The following TMEM222 variants were observed in gnomAD, a reference collection of about 807,000 sequenced individuals.
The protein encoded by TMEM222 is chromosome 1 open reading frame 160.
A neutral mutation model predicts 25.1 loss-of-function variants in TMEM222; 18 were observed. The ratio of observed to expected loss-of-function variants is 0.72; its 90% CI spans 0.50 to 1.06. The LOEUF is 1.06. Among genes scored for constraint, TMEM222 ranks in the 50% least tolerant of loss-of-function variants. The probability of loss-of-function intolerance (pLI) is 0.00; values close to 1 mark genes in which losing one functional copy is unlikely to be tolerated. For synonymous variants in TMEM222, 131 were observed against 117.9 expected (o/e 1.11, Z -0.72); for missense variants, 296 against 293.7 (o/e 1.01, Z -0.06).
At chr1:27,333,623 G>C in intron 3 of TMEM222, 1 of 405,540 alleles carries the variant, frequency 2.5e-6, no homozygotes, top group Non-Finnish European at 4.8e-6. Flanking sequence ...ATTCATGAGA[G>C]CTAATCACCC....
intron 5 of TMEM222, 88 bp from the exon 6 acceptor site, chr1:27,335,291 A>G (rs2014577909): frequency 7.5e-7 from 1 of 1,334,234 alleles, no homozygotes; most frequent in African/African-American, 1.4e-5. Flanking sequence ...TGGCAGCCCT[A>G]TTGGGGTCTG....
chr1:27,335,547 C>G lies in TMEM222; in HGVS notation c.*81C>G. 6.9e-7 allele frequency: 1 copy of G among 1,443,118 alleles called. No individual in the cohort carries two copies. 89.4% of individuals were successfully genotyped at this position (1,443,118 alleles called of 1,614,324 possible). A position where few individuals can be genotyped will look rare whatever the true frequency, so the allele number is the denominator to read the frequency against. ...TTTTGGTTCCAGATTTTTTTCTCCT[C>G]ACCCCAAAAGGCAGGGTTGGGCCTG... On this transcript the variant is annotated 3_prime_UTR_variant, in exon 6 of 6. Coordinates refer to ENST00000374076, the MANE Select transcript of TMEM222 (RefSeq NM_032125.3).
In TMEM222 at chr1:27,322,408, A is replaced by G. The variant is rs2148010309; in HGVS notation, c.194+17A>G. Reference sequence around the variant, plus strand: ...GGTGCTCACGTGAGTCTCTTCCGGCATCCGCCTGGGGACGAGGAGGGCCCA... The same window carrying G: ...GGTGCTCACGTGAGTCTCTTCCGGCGTCCGCCTGGGGACGAGGAGGGCCCA... On this transcript the variant is annotated intron_variant, in intron 1 of 5. Coordinates refer to ENST00000374076, the MANE Select transcript of TMEM222 (RefSeq NM_032125.3). The G allele has an allele frequency of 2.2e-6, 3 of 1,375,960 alleles. No individual in the cohort carries two copies. Among genetic ancestry groups the G allele is most frequent in the Non-Finnish European group, 2.9e-6 (3 of 1,050,992 alleles). 85.2% of individuals were successfully genotyped at this position (1,375,960 alleles called of 1,614,324 possible). A position where few individuals can be genotyped will look rare whatever the true frequency, so the allele number is the denominator to read the frequency against.
At position 27,322,340 on chromosome 1, in the gene TMEM222, A is replaced by G; in HGVS notation, c.143A>G (p.Glu48Gly). 1 of 1,537,026 alleles carries G rather than the reference A, an allele frequency of 6.5e-7. No individual in the cohort carries two copies. The highest frequency in any genetic ancestry group is 8.8e-7 in the Non-Finnish European group (1 of 1,137,754). Residue 48 changes from glutamate to glycine, a missense_variant, in exon 1 of 6, where the codon GAA becomes GGA. Coordinates refer to ENST00000374076, the MANE Select transcript of TMEM222 (RefSeq NM_032125.3). ...TCCGGCGGCGTCGCCATGGATGTGG[A>G]ACGGAGTCGCTTCCCCTACTGCGTG... is the stretch of plus-strand genomic sequence containing the variant. ...QGSGGVAMDV[E>G]RSRFPYCVVW...
At chr1:27,332,438 T>A (rs1317903139) in intron 3 of TMEM222, 9 of 717,994 alleles carry the variant, frequency 1.3e-5, no homozygotes, top group Non-Finnish European at 2.3e-5. Flanking sequence ...CAGATCTGTC[T>A]CCCTCTAGAC....
chr1:27,322,663 A>C (rs1374619589), intron 1 of TMEM222, among the ~76,000 whole-genome samples: 1 of 152,196 alleles, frequency 6.6e-6, no homozygotes, highest in Non-Finnish European at 1.5e-5. Flanking sequence ...TCGAGCTGTG[A>C]GTGTGTAGAA....
chr1:27,325,842 A>G (rs529859097), intron 1 of TMEM222: 42 of 794,754 alleles, frequency 5.3e-5, no homozygotes, highest in South Asian at 9.4e-5. Flanking sequence ...GGGTTAATTC[A>G]GAAGTATAAA....
At chr1:27,331,648 CGAG>C in intron 2 of TMEM222, among the ~76,000 whole-genome samples, 1 of 152,328 alleles carries the variant, frequency 6.6e-6, no homozygotes, top group South Asian at 2.1e-4. Flanking sequence ...GACTGCTGGG[CGAG>C]GAGATGGTCT....
Position 27,336,350 on chromosome 1 carries a change from A to T in TMEM222, c.*884A>T, listed in dbSNP as rs1219893757. The T allele has an allele frequency of 1.3e-5, 2 of 152,274 alleles. No homozygotes were observed. The highest frequency in any genetic ancestry group is 6.5e-5 in the Admixed American group (1 of 15,278). 9.4% of individuals were successfully genotyped at this position (152,274 alleles called of 1,614,324 possible). On this transcript the variant is annotated 3_prime_UTR_variant, in exon 6 of 6. Coordinates refer to ENST00000374076, the MANE Select transcript of TMEM222 (RefSeq NM_032125.3). ...CCCGCCTCGCCCCCCTGCTCTGTGG[A>T]TTCCTTTGGGAAGGGCTCCCTGGGC...
intron 1 of TMEM222, 110 bp downstream of exon 1, chr1:27,322,501 G>A: frequency 9.2e-7 from 1 of 1,086,170 alleles, no homozygotes; most frequent in Non-Finnish European, 1.2e-6. Flanking sequence ...CCTCGGGTCT[G>A]GCCCGCACGC....
In TMEM222 at chr1:27,335,533, G is replaced by A; in HGVS notation, c.*67G>A. 1 of 1,535,644 alleles carries A rather than the reference G, an allele frequency of 6.5e-7. No individual in the cohort carries two copies. Among genetic ancestry groups the A allele is most frequent in the Non-Finnish European group, 9.0e-7 (1 of 1,112,952 alleles). On this transcript the variant is annotated 3_prime_UTR_variant, in exon 6 of 6. Coordinates refer to ENST00000374076, the MANE Select transcript of TMEM222 (RefSeq NM_032125.3). ...ACAGCCGCCATCCCTTTTGGTTCCA[G>A]ATTTTTTTCTCCTCACCCCAAAAGG...
chr1:27,323,850 T>A (rs1198162015), intron 1 of TMEM222, among the ~76,000 whole-genome samples: 1 of 152,244 alleles, frequency 6.6e-6, no homozygotes, highest in African/African-American at 2.4e-5. Context: ...ATGTGCTAAG[T>A]GACCCCTGTG....
At chr1:27,335,179 G>A (rs563786764) in intron 5 of TMEM222, 200 bp from the exon 6 acceptor site, 5 of 604,124 alleles carry the variant, frequency 8.3e-6, no homozygotes, top group South Asian at 1.9e-5. Context: ...GCCCCTGCCC[G>A]GGACCATAGC....
chr1:27,333,861 G>A (rs2014539111), intron 3 of TMEM222, 97 bp from the exon 4 acceptor site: 2 of 1,112,000 alleles, frequency 1.8e-6, no homozygotes, highest in Non-Finnish European at 2.6e-6. Flanking sequence ...TCAGCACCCA[G>A]CTCAGGCCCG....
In TMEM222 at chr1:27,334,186, G is replaced by A. The variant is rs1020384827; in HGVS notation, c.444G>A (p.Val148=). The A allele has an allele frequency of 2.5e-6, 4 of 1,614,084 alleles. No individual in the cohort carries two copies. In the African/African-American group the frequency reaches 5.3e-5, roughly 22 times the overall value. The part of the protein sequence containing the change: ...NLCCDNCHSH[V]ALALNLMRYN... ...GCTGTGACAACTGCCACTCGCACGT[G>A]GCATTGGCCCTGAATCTGATGCGCT... Residue 148 remains valine, a synonymous_variant, in exon 5 of 6, where the codon GTG becomes GTA. Transcript: ENST00000374076.
intron 3 of TMEM222, chr1:27,333,014 G>T (rs1214403113): frequency 3.3e-6 from 1 of 302,374 alleles, no homozygotes; most frequent in East Asian, 8.0e-5. Context: ...CGGGCACTCT[G>T]GTGCTTGGAA....
At chr1:27,325,399 A>C (rs2014316669) in intron 1 of TMEM222, 3 of 1,037,110 alleles carry the variant, frequency 2.9e-6, no homozygotes, top group South Asian at 1.3e-5. Flanking sequence ...AAGCTGCCGG[A>C]TGGCCAGGTC....
At chr1:27,334,689 T>A (rs1469345107) in intron 5 of TMEM222, 1 of 1,384,006 alleles carries the variant, frequency 7.2e-7, no homozygotes, top group East Asian at 3.8e-5. Flanking sequence ...GCAGAGAGAT[T>A]GAGTGAGTCG....
At chr1:27,331,146 C>T (rs2014469280) in intron 2 of TMEM222, 2 of 1,157,450 alleles carry the variant, frequency 1.7e-6, no homozygotes, top group African/African-American at 1.6e-5. Context: ...AGGTGGGAGT[C>T]AAGGTGGGGG....
Sources: gnomAD v4.1 joint callset for allele counts (sites outside exome capture counted in the v4.1 genomes callset) on GRCh38, gnomAD v4.1.1 for gene constraint, MANE v1.5 for transcripts, NCBI Gene and HGNC (gene_info 2026-07-23, HGNC 2026-07-21) for gene names.